Variants in CYP46A1 observed in about 807,000 individuals in gnomAD.
CYP46A1 encodes the protein cytochrome P450 family 46 subfamily A member 1.
A neutral mutation model predicts 63.3 loss-of-function variants in CYP46A1; 20 were observed. That is an observed-to-expected ratio of 0.32 (90% CI 0.22 to 0.46). The LOEUF is 0.46. Among genes scored for constraint, CYP46A1 ranks in the 20% least tolerant of loss-of-function variants. The pLI is 1.00. For synonymous variants in CYP46A1, 268 were observed against 273.6 expected (o/e 0.98, Z 0.20); for missense variants, 445 against 670.8 (o/e 0.66, Z 3.72).
chr14:99,701,665 C>T (rs1243064884), intron 5 of CYP46A1, among the ~76,000 whole-genome samples: 1 of 152,236 alleles, frequency 6.6e-6, no homozygotes, highest in Non-Finnish European at 1.5e-5. Context: ...GTATAATTCA[C>T]ATACCATACA....
intron 9 of CYP46A1, chr14:99,717,755 T>G: frequency 2.8e-6 from 1 of 358,588 alleles, no homozygotes; most frequent in Non-Finnish European, 5.1e-6. Flanking sequence ...CCCTGCATCC[T>G]GGGAAGGCGA....
intron 1 of CYP46A1, among the ~76,000 whole-genome samples, chr14:99,686,576 A>G (rs1040810989): frequency 2.0e-5 from 3 of 152,054 alleles, no homozygotes; most frequent in African/African-American, 7.2e-5. Context: ...TGTTCTGGAC[A>G]TTTCATATAA....
intron 3 of CYP46A1, among the ~76,000 whole-genome samples, chr14:99,695,062 GTA>G (rs1429812911): frequency 2.0e-5 from 3 of 152,122 alleles, no homozygotes; most frequent in Non-Finnish European, 4.4e-5. Context: ...TTATTTGGAT[GTA>G]TGTTATTCAA....
chr14:99,717,220 G>A (rs2056798200), intron 9 of CYP46A1, among the ~76,000 whole-genome samples: 1 of 152,118 alleles, frequency 6.6e-6, no homozygotes, highest in African/African-American at 2.4e-5. Flanking sequence ...AGCTCTCCAG[G>A]CTTCTATCCA....
chr14:99,703,298 G>A (rs2056647861), intron 5 of CYP46A1, among the ~76,000 whole-genome samples: 1 of 152,152 alleles, frequency 6.6e-6, no homozygotes, highest in Non-Finnish European at 1.5e-5. Flanking sequence ...AAACATCCTT[G>A]CCAGAACTCT....
intron 1 of CYP46A1, among the ~76,000 whole-genome samples, chr14:99,686,066 C>T (rs541153488): frequency 6.6e-6 from 1 of 152,308 alleles, no homozygotes; most frequent in South Asian, 2.1e-4. Flanking sequence ...CTGTCTGTCT[C>T]AGTCACTGCT....
At position 99,684,311 on chromosome 14, in the gene CYP46A1, C is replaced by T. The variant is rs2056469660; in HGVS notation, c.-107C>T. 3.6e-6 allele frequency: 2 copies of T among 552,636 alleles called. No homozygotes were observed. The highest frequency in any genetic ancestry group is 4.0e-5 in the African/African-American group (2 of 49,486). The allele number at this position is 552,636 out of a possible 1,614,324, so 34.2% of individuals were successfully genotyped here. The stretch of plus-strand genomic sequence containing the variant: ...GGGGAGGGTGCTGGGTCGCGCCTGG[C>T]CTGGGGCCGAGGCGGCGCGCGGCGC... On this transcript the variant is annotated 5_prime_UTR_variant, in exon 1 of 15. Coordinates refer to ENST00000261835, the MANE Select transcript of CYP46A1 (RefSeq NM_006668.2).
At chr14:99,684,862 G>A in intron 1 of CYP46A1, 1 of 432,784 alleles carries the variant, frequency 2.3e-6, no homozygotes, top group South Asian at 1.7e-5. Context: ...AGGTCACACG[G>A]TTGGTAAGCC....
chr14:99,721,737 T>TGCAGGAGC (rs2056848285), intron 11 of CYP46A1, among the ~76,000 whole-genome samples: 1 of 152,030 alleles, frequency 6.6e-6, no homozygotes, highest in African/African-American at 2.4e-5. Flanking sequence ...AGCTCTGCCA[T>TGCAGGAGC]TGTGGCCTTG....
rs2056613727 is a variant in CYP46A1 at position 99,699,637 on chromosome 14, C to A, written c.356+98C>A. 3.9e-6 allele frequency: 5 copies of A among 1,292,532 alleles called. No homozygotes were observed. In the East Asian group the frequency reaches 9.3e-5, roughly 24 times the overall value. 80.1% of individuals were successfully genotyped at this position (1,292,532 alleles called of 1,614,324 possible). A position where few individuals can be genotyped will look rare whatever the true frequency, so the allele number is the denominator to read the frequency against. On this transcript the variant is annotated intron_variant, in intron 4 of 14. Coordinates refer to ENST00000261835, the MANE Select transcript of CYP46A1 (RefSeq NM_006668.2). The stretch of plus-strand genomic sequence containing the variant: ...CAGAATGTGGGGTGTAGAATTGAGG[C>A]CTGAGGCCCTGGCTGCCAGGCATGT...
intron 1 of CYP46A1, among the ~76,000 whole-genome samples, chr14:99,685,336 T>TCC (rs1396121484): frequency 5.4e-5 from 1 of 18,494 alleles, no homozygotes; most frequent in Non-Finnish European, 1.0e-4. Context: ...GCAGCTTCCC[T>TCC]CCCCCCGGGT....
chr14:99,699,897 G>T, intron 4 of CYP46A1, 118 bp from the exon 5 acceptor site: 1 of 700,242 alleles, frequency 1.4e-6, no homozygotes, highest in Non-Finnish European at 2.4e-6. Flanking sequence ...TGGCGCAACC[G>T]TCGCCACCGC....
chr14:99,716,102 AT>A, intron 8 of CYP46A1, 34 bp from the exon 9 acceptor site: 1 of 1,613,544 alleles, frequency 6.2e-7, no homozygotes, highest in East Asian at 2.2e-5. Flanking sequence ...GGGAGCAAAG[AT>A]TTGCTGGGAA....
At chr14:99,691,558 A>G (rs895700597) in intron 2 of CYP46A1, 4 of 592,378 alleles carry the variant, frequency 6.8e-6, no homozygotes, top group East Asian at 2.8e-5. Flanking sequence ...ACCCTATTCC[A>G]TGGCTGTGGA....
chr14:99,702,105 C>G (rs955647993), intron 5 of CYP46A1, among the ~76,000 whole-genome samples: 1 of 150,026 alleles, frequency 6.7e-6, no homozygotes, highest in Admixed American at 6.7e-5. Context: ...AGTCATTCCT[C>G]ATTTCTTCCC....
chr14:99,700,420 GCTT>G (rs770300163), intron 5 of CYP46A1, among the ~76,000 whole-genome samples: 13 of 152,156 alleles, frequency 8.5e-5, no homozygotes, highest in Admixed American at 2.6e-4. Flanking sequence ...CCTTGTCAGG[GCTT>G]CTTCTTTTAT....
intron 5 of CYP46A1, among the ~76,000 whole-genome samples, chr14:99,700,610 T>C (rs888104178): frequency 1.6e-4 from 25 of 152,200 alleles, no homozygotes; most frequent in African/African-American, 5.8e-4. Flanking sequence ...TACTCACATG[T>C]TTGTGGTGGT....
rs796498854 is a variant in CYP46A1, at chr14:99,691,955, C to T, written c.282+94C>T. The T allele has an allele frequency of 2.6e-5, 33 of 1,283,406 alleles. No individual in the cohort carries two copies. In the African/African-American group the frequency reaches 3.8e-4, roughly 15 times the overall value. The allele number at this position is 1,283,406 out of a possible 1,614,324, so 79.5% of individuals were successfully genotyped here. On this transcript the variant is annotated intron_variant, in intron 3 of 14. Coordinates refer to ENST00000261835, the MANE Select transcript of CYP46A1 (RefSeq NM_006668.2). ...TCCCAGAGACTTTGGATGAATGTTC[C>T]AGAGCCAGGCGCATTTCGGCTGGTT...
intron 10 of CYP46A1, among the ~76,000 whole-genome samples, chr14:99,718,475 T>C (rs1235581652): frequency 2.6e-5 from 4 of 152,198 alleles, no homozygotes; most frequent in African/African-American, 7.2e-5. Flanking sequence ...ACCGTGGTTT[T>C]TTCCCTCCCC....
Sources: allele counts gnomAD v4.1 joint callset (sites outside exome capture counted in the v4.1 genomes callset), GRCh38; gene constraint gnomAD v4.1.1; transcripts MANE v1.5; gene names NCBI Gene and HGNC (gene_info 2026-07-23, HGNC 2026-07-21).